Variants in ZP2 observed in about 807,000 individuals in gnomAD.
ZP2 encodes zona pellucida glycoprotein 2.
ZP2 carries 51 observed loss-of-function variants against 84.0 expected under a neutral mutation model. The observed-to-expected ratio is 0.61, with a 90% CI of 0.49 to 0.77. ZP2 has a LOEUF of 0.77. Ranked by LOEUF, ZP2 falls within the 30% of genes least tolerant of loss-of-function variation. ZP2 has a pLI of 0.00. For synonymous variants in ZP2, 375 were observed against 330.9 expected (o/e 1.13, Z -1.45); for missense variants, 909 against 911.9 (o/e 1.00, Z 0.04).
At chr16:21,209,765 C>T in intron 3 of ZP2, 40 bp from the exon 4 acceptor site, 5 of 1,574,244 alleles carry the variant, frequency 3.2e-6, no homozygotes, top group Non-Finnish European at 4.4e-6. Context: ...TGGCTGAGTA[C>T]ATTTCAGTGA....
chr16:21,211,890 C>A (rs1411747112), upstream of ZP2: 2 of 824,918 alleles, frequency 2.4e-6, no homozygotes, highest in Non-Finnish European at 3.3e-6. Context: ...GAATCATGGG[C>A]TTTATTGAGA....
chr16:21,201,339 G>A, intron 14 of ZP2, 30 bp downstream of exon 14: 1 of 1,510,796 alleles, frequency 6.6e-7, no homozygotes, highest in Non-Finnish European at 8.9e-7. Context: ...TGGATTAGCT[G>A]GGTAACCTGA....
At chr16:21,212,761 G>T (rs867827898), upstream of ZP2, among the ~76,000 whole-genome samples, 1 of 152,146 alleles carries the variant, frequency 6.6e-6, no homozygotes, top group South Asian at 2.1e-4. Flanking sequence ...GATCTAATAA[G>T]AATGTTATAT....
At position 21,205,746 on chromosome 16, in the gene ZP2, C is replaced by T; in HGVS notation, c.513G>A (p.Leu171=). Residue 171 remains leucine (L), a synonymous_variant, in exon 6 of 19, where the codon TTG becomes TTA. Coordinates refer to ENST00000574091, the MANE Select transcript of ZP2 (RefSeq NM_001376232.1). The stretch of plus-strand genomic sequence containing the variant: ...TGCTTCATACCTTACTGTCGTCAGC[C>T]AAGCCAGAGAAGACCCGTGGCAAGG... ...SFSLPRVFSG[L]ADDSKGTKVQ... 1 of 1,613,966 alleles carries T rather than the reference C, an allele frequency of 6.2e-7. No homozygotes were observed. The highest frequency in any genetic ancestry group is 8.5e-7 in the Non-Finnish European group (1 of 1,179,966).
At chr16:21,211,929 A>ATTT (rs35514328), upstream of ZP2, among the ~76,000 whole-genome samples, 64 of 142,406 alleles carry the variant, frequency 4.5e-4, no homozygotes, top group African/African-American at 1.5e-3. Context: ...ACACCACTAC[A>ATTT]TTTTTTTTTT....
At position 21,201,999 on chromosome 16, in the gene ZP2, C is replaced by A; in HGVS notation, c.1312G>T (p.Glu438Ter). 6.2e-7 allele frequency: 1 copy of A among 1,614,072 alleles called. No individual in the cohort carries two copies. Among genetic ancestry groups the A allele is most frequent in the Non-Finnish European group, 8.5e-7 (1 of 1,179,982 alleles). ...GTCCAGAGAGCATGTATTTCGTTTTCATAGACGACTTTATCATCTTCGAAC... is the reference window on the plus strand; with the variant it reads ...GTCCAGAGAGCATGTATTTCGTTTTAATAGACGACTTTATCATCTTCGAAC... ...YKFEDDKVVY[E>*]NEIHALWTDF... Residue 438 changes from glutamate (E) to a stop codon, truncating the protein, a stop_gained, in exon 12 of 19, where the codon GAA becomes TAA. Transcript: ENST00000574091. LOFTEE classifies it high-confidence loss of function.
At chr16:21,200,030 T>C in intron 14 of ZP2, 152 bp from the exon 15 acceptor site, 1 of 891,424 alleles carries the variant, frequency 1.1e-6, no homozygotes, top group Non-Finnish European at 1.7e-6. Flanking sequence ...ATTTCTTACC[T>C]GACCTATAAT....
In ZP2 at chr16:21,211,543, G is replaced by T; in HGVS notation, c.5C>A (p.Ala2Glu). 6.2e-7 allele frequency: 1 copy of T among 1,614,066 alleles called. No individual in the cohort carries two copies. Among genetic ancestry groups the T allele is most frequent in the Non-Finnish European group, 8.5e-7 (1 of 1,180,012 alleles). Residue 2 changes from alanine (A) to glutamate (E), a missense_variant, in exon 1 of 19, where the codon GCG becomes GAG. Ala to Glu is a moderately radical substitution (Grantham distance 107). Coordinates refer to ENST00000574091, the MANE Select transcript of ZP2 (RefSeq NM_001376232.1). M[A>E]CRQRGGSWSP... ...CCAAGAGCCTCCTCTCTGCCTGCAC[G>T]CCATAGCAGAAGACACTACCAGATC...
At chr16:21,203,848 T>C in intron 9 of ZP2, 182 bp downstream of exon 9, 1 of 647,988 alleles carries the variant, frequency 1.5e-6, no homozygotes, top group South Asian at 2.0e-5. Flanking sequence ...TGTTAGAGAA[T>C]GAACTTTAGT....
chr16:21,205,084 G>A (rs2093243462), intron 7 of ZP2, among the ~76,000 whole-genome samples: 1 of 152,164 alleles, frequency 6.6e-6, no homozygotes, highest in African/African-American at 2.4e-5. Flanking sequence ...CTGGGTTCAA[G>A]CGATTCTCCC....
Position 21,202,301 on chromosome 16 carries a change from G to A in ZP2, c.1100-10C>T, listed in dbSNP as rs199854685. The A allele has an allele frequency of 2.3e-4, 347 of 1,491,464 alleles. 1 individual carries two copies. The African/African-American group carries it at 3.5e-3, about 15-fold the overall frequency. The allele number at this position is 1,491,464 out of a possible 1,614,324, so 92.4% of individuals were successfully genotyped here. On this transcript the variant is annotated splice_polypyrimidine_tract_variant and intron_variant, in intron 10 of 18. Coordinates refer to ENST00000574091, the MANE Select transcript of ZP2 (RefSeq NM_001376232.1). ...CACAGCTCCCCTGTAACTAGACAGC[G>A]GTGAAAGTTTAGAGAAAATAAGTTT...
In ZP2 at chr16:21,197,513, G is replaced by A. The variant is rs1200365826; in HGVS notation, c.2205C>T (p.Tyr735=). The change falls in exon 19 of 19, where the codon TAC becomes TAT. Residue 735 remains tyrosine, a synonymous_variant. Transcript: ENST00000574091. ...GVVATLGFIY[Y]LYEKRTVSNH ...TTGACACAGTCCTTTTCTCGTACAGGTAGTAGATGAAGCCTAGAGTTGCCA... is the reference window on the plus strand; with the variant it reads ...TTGACACAGTCCTTTTCTCGTACAGATAGTAGATGAAGCCTAGAGTTGCCA... 6.2e-7 allele frequency: 1 copy of A among 1,614,050 alleles called. No homozygotes were observed. The highest frequency in any genetic ancestry group is 1.3e-5 in the African/African-American group (1 of 74,924).
rs539699509 is a variant in ZP2 at position 21,201,985 on chromosome 16, A to G, written c.1326T>C (p.His442=). Residue 442 remains histidine (H), a synonymous_variant, in exon 12 of 19, where the codon CAT becomes CAC. Transcript: ENST00000574091. ...TTGGAGGAAAATCCGTCCAGAGAGCATGTATTTCGTTTTCATAGACGACTT... is the reference window on the plus strand; with the variant it reads ...TTGGAGGAAAATCCGTCCAGAGAGCGTGTATTTCGTTTTCATAGACGACTT... ...DDKVVYENEI[H]ALWTDFPPSK... 1.5e-5 allele frequency: 25 copies of G among 1,614,102 alleles called. No individual in the cohort carries two copies. The South Asian group carries it at 2.1e-4, about 13-fold the overall frequency.
At chr16:21,209,070 C>G (rs949266277) in intron 4 of ZP2, among the ~76,000 whole-genome samples, 1 of 152,198 alleles carries the variant, frequency 6.6e-6, no homozygotes, top group Non-Finnish European at 1.5e-5. Context: ...CTGCCAGCAT[C>G]TTTGGCTTGT....
intron 17 of ZP2, 185 bp from the exon 18 acceptor site, chr16:21,198,034 C>T: frequency 1.8e-6 from 1 of 565,566 alleles, no homozygotes; most frequent in South Asian, 2.3e-5. Context: ...ATGCTCTGAC[C>T]TAATCTTGCT....
intron 9 of ZP2, among the ~76,000 whole-genome samples, chr16:21,203,515 A>G (rs971479888): frequency 6.6e-6 from 1 of 152,224 alleles, no homozygotes; most frequent in Non-Finnish European, 1.5e-5. Context: ...TAGCAGATCA[A>G]ATTCCAAAGA....
In ZP2 at chr16:21,206,942, AG is replaced by A; in HGVS notation, c.378del (p.Leu127Ter). 1.2e-6 allele frequency: 2 copies of A among 1,614,110 alleles called. No homozygotes were observed. Among genetic ancestry groups the A allele is most frequent in the Non-Finnish European group, 1.7e-6 (2 of 1,180,004 alleles). ...MTIRVMNNSA[A>X]LRHGAVMYQF... Reference sequence around the variant, plus strand: ...TGATACATGACAGCTCCGTGTCTTAAGGCAGCACTGTTGTTCATGACTCTGA... The same window carrying A: ...TGATACATGACAGCTCCGTGTCTTAAGCAGCACTGTTGTTCATGACTCTGA... On this transcript the variant is annotated frameshift_variant, in exon 5 of 19. Transcript: ENST00000574091. LOFTEE classifies it high-confidence loss of function.
Position 21,203,118 on chromosome 16 carries a change from T to C in ZP2, c.1099+7A>G, listed in dbSNP as rs1215048950. ...GGTAGAACATGATTTTAATAAAAGG[T>C]CTTTACCTATAGAAACGGGTGACTC... On this transcript the variant is annotated splice_region_variant and intron_variant, in intron 10 of 18. Transcript: ENST00000574091. 7 of 1,612,338 alleles carry C rather than the reference T, an allele frequency of 4.3e-6. No individual in the cohort carries two copies. Among genetic ancestry groups the C allele is most frequent in the Non-Finnish European group, 3.4e-6 (4 of 1,179,324 alleles).
Position 21,211,386 on chromosome 16 carries a change from C to T in ZP2, c.72G>A (p.Arg24=). ...GWFNAGWSTY[R]SISLFFALVT... The stretch of plus-strand genomic sequence containing the variant: ...CAAGGGCGAAGAAGAGAGAAATCGA[C>T]CTGTAGGTGCTGGAAAGAGACAGGG... Residue 24 remains arginine (R), a synonymous_variant, in exon 2 of 19, where the codon AGG becomes AGA. Transcript: ENST00000574091. 3 of 1,614,114 alleles carry T rather than the reference C, an allele frequency of 1.9e-6. No homozygotes were observed. Among genetic ancestry groups the T allele is most frequent in the Non-Finnish European group, 2.5e-6 (3 of 1,180,012 alleles).
Sources: gnomAD v4.1 joint callset for allele counts (sites outside exome capture counted in the v4.1 genomes callset) on GRCh38, gnomAD v4.1.1 for gene constraint, MANE v1.5 for transcripts, NCBI Gene and HGNC (gene_info 2026-07-23, HGNC 2026-07-21) for gene names.